ABCA1: variants seen among roughly 807,000 people sequenced by gnomAD.
The protein encoded by ABCA1 is ATP binding cassette subfamily A member 1, also known as phospholipid-transporting ATPase ABCA1.
Under a neutral mutation model 262.5 loss-of-function variants are expected in ABCA1, and 133 were observed. That is an observed-to-expected ratio of 0.51 (90% CI 0.44 to 0.59). ABCA1 has a LOEUF of 0.59. Among genes scored for constraint, ABCA1 ranks in the 20% least tolerant of loss-of-function variants. ABCA1 has a pLI of 0.00. For synonymous variants in ABCA1, 1,022 were observed against 1,043.5 expected (o/e 0.98, Z 0.40); for missense variants, 2,452 against 2,777.5 (o/e 0.88, Z 2.63).
In ABCA1 at chr9:104,788,358, A is replaced by G. The variant is rs4149336; in HGVS notation, c.6069+68T>C. ...AACAGCCTGAAGTCAATGCGTGTGG[A>G]AAAGCCATAAGGTATATATTGTCAG... On this transcript the variant is annotated intron_variant, in intron 45 of 49. Coordinates refer to ENST00000374736, the MANE Select transcript of ABCA1 (RefSeq NM_005502.4). The G allele has an allele frequency of 0.2, 321,979 of 1,607,020 alleles. 38,092 individuals are homozygous for G. Among genetic ancestry groups the G allele is most frequent in the East Asian group, 0.64 (28,608 of 44,788 alleles).
At chr9:104,856,790 G>A (rs1835876676) in intron 7 of ABCA1, among the ~76,000 whole-genome samples, 1 of 152,114 alleles carries the variant, frequency 6.6e-6, no homozygotes, top group Non-Finnish European at 1.5e-5. Flanking sequence ...CAGCTGAAAG[G>A]GTGAGCATTT....
At chr9:104,794,860 T>C (rs1181671247) in intron 39 of ABCA1, among the ~76,000 whole-genome samples, 1 of 152,184 alleles carries the variant, frequency 6.6e-6, no homozygotes, top group Non-Finnish European at 1.5e-5. Context: ...GGGTCAATAT[T>C]TGAGTTTCAG....
intron 27 of ABCA1, 140 bp from the exon 28 acceptor site, chr9:104,812,862 A>G (rs1245829003): frequency 2.1e-5 from 23 of 1,082,434 alleles, no homozygotes; most frequent in Non-Finnish European, 3.1e-5. Context: ...AAGGGCTTTC[A>G]TGACAAAGCT....
At chr9:104,835,339 C>T (rs531836885) in intron 11 of ABCA1, among the ~76,000 whole-genome samples, 2 of 152,146 alleles carry the variant, frequency 1.3e-5, no homozygotes, top group African/African-American at 4.8e-5. Flanking sequence ...ATGACTCCCT[C>T]ATCATCTGTC....
chr9:104,831,686 G>C lies in ABCA1; in HGVS notation c.1651C>G (p.His551Asp), dbSNP rs746641529. 7.4e-6 allele frequency: 12 copies of C among 1,614,056 alleles called. No homozygotes were observed. The highest frequency in any genetic ancestry group is 1.1e-5 in the South Asian group (1 of 91,090). ...ITPGSIELPH[H>D]VKYKIRMDID... ...TCCATTCGGATCTTGTACTTGACAT[G>C]ATGGGGCAGCTCAATGCTGCCTGGA... The change falls in exon 13 of 50, where the codon CAT becomes GAT. Residue 551 changes from histidine (H) to aspartate (D), a missense_variant. Physicochemically the swap from His to Asp is moderately conservative, Grantham distance 81. This residue lies in a region of ABCA1 where 1,032 missense variants were observed against 1,089.7 expected (regional missense o/e 0.95). Coordinates refer to ENST00000374736, the MANE Select transcript of ABCA1 (RefSeq NM_005502.4).
chr9:104,801,308 C>T (rs1212456149), intron 34 of ABCA1, among the ~76,000 whole-genome samples: 17 of 151,976 alleles, frequency 1.1e-4, no homozygotes. Flanking sequence ...CAACCTCCGC[C>T]TCCCGGGTTC....
At chr9:104,820,154 G>C (rs533347948) in intron 20 of ABCA1, 85 bp from the exon 21 acceptor site, 10 of 1,540,892 alleles carry the variant, frequency 6.5e-6, no homozygotes, top group Non-Finnish European at 8.9e-6. Context: ...GATGAGAATG[G>C]GCATATTTTT....
chr9:104,919,593 C>A (rs913720280), intron 1 of ABCA1, among the ~76,000 whole-genome samples: 1 of 150,844 alleles, frequency 6.6e-6, no homozygotes, highest in Non-Finnish European at 1.5e-5. Context: ...GCCTGGGCAA[C>A]ATAACGAGAC....
chr9:104,872,024 A>G (rs1303044274), intron 5 of ABCA1, among the ~76,000 whole-genome samples: 1 of 152,200 alleles, frequency 6.6e-6, no homozygotes, highest in Admixed American at 6.5e-5. Context: ...ATTAACATAC[A>G]CAATGTATAA....
intron 5 of ABCA1, among the ~76,000 whole-genome samples, chr9:104,876,607 T>G (rs991252754): frequency 6.6e-6 from 1 of 152,096 alleles, no homozygotes; most frequent in Admixed American, 6.5e-5. Flanking sequence ...AGCAATACAT[T>G]TTAAGTAGCT....
chr9:104,782,363 T>C lies in ABCA1; in HGVS notation c.*1952A>G, dbSNP rs1182310338. On this transcript the variant is annotated 3_prime_UTR_variant, in exon 50 of 50. Coordinates refer to ENST00000374736, the MANE Select transcript of ABCA1 (RefSeq NM_005502.4). The stretch of plus-strand genomic sequence containing the variant: ...TAATATTCTGTAAATTTAAAAAATA[T>C]AGAAAGATTAATTTGAAATCTGAAG... 1 of 152,102 alleles carries C rather than the reference T, an allele frequency of 6.6e-6. No individual in the cohort carries two copies. Among genetic ancestry groups the C allele is most frequent in the African/African-American group, 2.4e-5 (1 of 41,454 alleles). The allele number at this position is 152,102 out of a possible 1,614,324, so 9.4% of individuals were successfully genotyped here.
At chr9:104,786,816 T>C in intron 47 of ABCA1, 57 bp downstream of exon 47, 1 of 1,434,982 alleles carries the variant, frequency 7.0e-7, no homozygotes, top group East Asian at 2.3e-5. Flanking sequence ...TGATCGCATA[T>C]TCTACTTGGA....
At chr9:104,802,006 G>A (rs1473165962) in intron 34 of ABCA1, 48 bp downstream of exon 34, 2 of 1,554,422 alleles carry the variant, frequency 1.3e-6, no homozygotes, top group Non-Finnish European at 1.8e-6. Flanking sequence ...CTATATCCCA[G>A]CAGCTACATG....
At chr9:104,806,469 T>C (rs1352210392) in intron 30 of ABCA1, 39 bp from the exon 31 acceptor site, 3 of 1,608,512 alleles carry the variant, frequency 1.9e-6, no homozygotes, top group Non-Finnish European at 1.7e-6. Context: ...TTACCAGAGA[T>C]GGCCTGGCCT....
intron 28 of ABCA1, 101 bp from the exon 29 acceptor site, chr9:104,811,025 G>T: frequency 1.3e-6 from 2 of 1,545,326 alleles, no homozygotes; most frequent in South Asian, 2.3e-5. Context: ...CCACCTCCCC[G>T]ACCAACCAGC....
chr9:104,868,001 A>G (rs1837241186), intron 5 of ABCA1, among the ~76,000 whole-genome samples: 1 of 152,230 alleles, frequency 6.6e-6, no homozygotes, highest in Non-Finnish European at 1.5e-5. Context: ...GTCTGAATTC[A>G]AGAGTCAGCT....
intron 34 of ABCA1, 140 bp from the exon 35 acceptor site, chr9:104,800,724 C>A: frequency 7.9e-5 from 61 of 775,718 alleles, no homozygotes; most frequent in Non-Finnish European, 9.0e-5. Flanking sequence ...AATGTGAAGC[C>A]ATTAAATAAA....
intron 8 of ABCA1, among the ~76,000 whole-genome samples, chr9:104,841,186 A>G (rs1250585717): frequency 6.6e-6 from 1 of 152,186 alleles, no homozygotes; most frequent in African/African-American, 2.4e-5. Flanking sequence ...CTGTAATCCC[A>G]GTACTTTGGG....
chr9:104,794,407 G>C lies in ABCA1; in HGVS notation c.5486C>G (p.Ala1829Gly). 1 of 1,613,286 alleles carries C rather than the reference G, an allele frequency of 6.2e-7. No individual in the cohort carries two copies. Among genetic ancestry groups the C allele is most frequent in the Middle Eastern group, 1.7e-4 (1 of 6,060 alleles). The change falls in exon 40 of 50, where the codon GCT becomes GGT. Residue 1829 changes from alanine (A) to glycine (G), a missense_variant. By Grantham distance (60) the Ala-to-Gly change is moderately conservative (BLOSUM62 0). Coordinates refer to ENST00000374736, the MANE Select transcript of ABCA1 (RefSeq NM_005502.4). ...CTCACCAAACCTTTCCAGGGCATCA[G>C]CCATTGCCTGGTTTTTCACCATGTC... is the stretch of plus-strand genomic sequence containing the variant. ...LIDMVKNQAM[A>G]DALERFGENR...
Sources: gnomAD v4.1 joint callset for allele counts (sites outside exome capture counted in the v4.1 genomes callset) on GRCh38, gnomAD v4.1.1 for gene constraint, gnomAD v4.1.1 regional missense constraint, MANE v1.5 for transcripts, NCBI Gene and HGNC (gene_info 2026-07-23, HGNC 2026-07-21) for gene names.